CFAP58: variants seen among roughly 807,000 people sequenced by gnomAD.
The protein encoded by CFAP58 is cilia- and flagella-associated protein 58.
A neutral mutation model predicts 119.5 loss-of-function variants in CFAP58; 88 were observed. That is an observed-to-expected ratio of 0.74 (90% CI 0.62 to 0.88). The LOEUF (loss-of-function observed/expected upper bound fraction) is 0.88. CFAP58 is among the 40% of genes least tolerant of loss of function. The probability of loss-of-function intolerance (pLI) is 0.00; values close to 1 mark genes in which losing one functional copy is unlikely to be tolerated. For synonymous variants in CFAP58, 365 were observed against 366.3 expected (o/e 1.00, Z 0.04); for missense variants, 990 against 1,021.2 (o/e 0.97, Z 0.42).
At chr10:104,348,146 C>T in the CFAP58 span, among the ~76,000 whole-genome samples, 10 of 152,202 alleles carry the variant, frequency 6.6e-5, no homozygotes, top group South Asian at 1.9e-3. Context: ...CAGAGAGGGA[C>T]GTAATTCTGG....
In CFAP58 at chr10:104,358,412, C is replaced by A; in HGVS notation, c.81C>A (p.Leu27=). ...EEMERDFQGV[L]HELSGDKSLE... The stretch of plus-strand genomic sequence containing the variant: ...TGGAAAGAGATTTTCAGGGAGTTCT[C>A]CATGAACTTTCTGGAGACAAAAGTT... Residue 27 remains leucine, a synonymous_variant, in exon 2 of 18, where the codon CTC becomes CTA. Coordinates refer to ENST00000369704, the MANE Select transcript of CFAP58 (RefSeq NM_001008723.2). The A allele has an allele frequency of 6.2e-7, 1 of 1,613,946 alleles. No homozygotes were observed.
chr10:104,450,176 G>A lies in CFAP58; in HGVS notation c.2482G>A (p.Ala828Thr), dbSNP rs138183014. The stretch of plus-strand genomic sequence containing the variant: ...CCAGAATTTAAAGAAGAAATACCTC[G>A]CTCAGAAACGTAAAGAACAACTTCA... The part of the protein sequence containing the change: ...ELQNLKKKYL[A>T]QKRKEQLQKN... Residue 828 changes from alanine to threonine, a missense_variant, in exon 17 of 18, where the codon GCT (alanine) becomes ACT (threonine). By Grantham distance (58) the Ala-to-Thr change is moderately conservative. Transcript: ENST00000369704. 1.7e-5 allele frequency: 28 copies of A among 1,612,804 alleles called. No individual in the cohort carries two copies. The highest frequency in any genetic ancestry group is 1.1e-4 in the African/African-American group (8 of 74,832).
rs547584566 is a variant in CFAP58 at position 104,354,593 on chromosome 10, C to A, written c.9+687C>A. Among the ~76,000 whole-genome samples the A allele has an allele frequency of 2.6e-5, 4 of 152,238 alleles. No homozygotes were observed. In the East Asian group the frequency reaches 7.7e-4, roughly 29 times the overall value. ...CAAGAGCCTCGGGTCCCTGTCATTA[C>A]TTGCCATTCACAGTCCCCATCCACT... On this transcript the variant is annotated intron_variant, in intron 1 of 17. Coordinates refer to ENST00000369704, the MANE Select transcript of CFAP58 (RefSeq NM_001008723.2).
chr10:104,370,545 C>T (rs111687886), intron 6 of CFAP58, among the ~76,000 whole-genome samples: 40 of 152,242 alleles, frequency 2.6e-4, no homozygotes, highest in African/African-American at 7.9e-4. Flanking sequence ...GACCTGCCCC[C>T]GTGATTCAAT....
intron 9 of CFAP58, 118 bp from the exon 10 acceptor site, chr10:104,392,115 G>A: frequency 1.2e-6 from 1 of 841,642 alleles, no homozygotes; most frequent in Non-Finnish European, 1.9e-6. Flanking sequence ...GCCACTGTCA[G>A]ATTTTCTGAT....
At chr10:104,434,478 C>G (rs916983367) in intron 15 of CFAP58, among the ~76,000 whole-genome samples, 1 of 152,086 alleles carries the variant, frequency 6.6e-6, no homozygotes, top group Non-Finnish European at 1.5e-5. Flanking sequence ...AGGAATGAGC[C>G]CTTTTGGGAC....
In CFAP58 at chr10:104,371,037, T is replaced by C. The variant is rs767474108; in HGVS notation, c.1073T>C (p.Ile358Thr). Residue 358 changes from isoleucine to threonine, a missense_variant, in exon 7 of 18, where the codon ATT (isoleucine) becomes ACT (threonine). Ile to Thr is a moderately conservative substitution (Grantham distance 89). Coordinates refer to ENST00000369704, the MANE Select transcript of CFAP58 (RefSeq NM_001008723.2). ...CACAAAGAAACCCTAAAAAATCAGA[T>C]TGTGGGATTAGAGAGAGGTAAACCA... Reference protein sequence around the residue: ...EQHKETLKNQIVGLEREVEAS... With the variant: ...EQHKETLKNQTVGLEREVEAS... The C allele has an allele frequency of 5.6e-6, 9 of 1,609,724 alleles. No individual in the cohort carries two copies. The highest frequency in any genetic ancestry group is 1.7e-5 in the Admixed American group (1 of 59,070).
chr10:104,447,868 G>A (rs752252723), intron 16 of CFAP58, 51 bp downstream of exon 16: 7 of 1,539,488 alleles, frequency 4.5e-6, no homozygotes, highest in African/African-American at 2.7e-5. Context: ...CACACTCTGG[G>A]GAGCACACCT....
chr10:104,417,711 A>G (rs1301016786), intron 15 of CFAP58, among the ~76,000 whole-genome samples: 1 of 152,224 alleles, frequency 6.6e-6, no homozygotes, highest in Non-Finnish European at 1.5e-5. Flanking sequence ...AGTACATTCA[A>G]TACTCAATGT....
rs1031157881 is a variant in CFAP58, at chr10:104,358,480, T to C, written c.149T>C (p.Met50Thr). 9.3e-6 allele frequency: 15 copies of C among 1,613,952 alleles called. No individual in the cohort carries two copies. The highest frequency in any genetic ancestry group is 1.3e-5 in the African/African-American group (1 of 74,914). The stretch of plus-strand genomic sequence containing the variant: ...GAATATGAGAGGCTTCATGCTGTCA[T>C]GAAAAAGTCTTATGACAATGAAAAG... ...RIEYERLHAVMKKSYDNEKRL... is the reference protein window; with the variant it reads ...RIEYERLHAVTKKSYDNEKRL... Residue 50 changes from methionine (M) to threonine (T), a missense_variant, in exon 2 of 18, where the codon ATG (methionine) becomes ACG (threonine). Met to Thr is a moderately conservative substitution (Grantham distance 81). Transcript: ENST00000369704.
rs200619709 is a variant in CFAP58, at chr10:104,380,213, C to A, written c.1358C>A (p.Thr453Lys). 3.7e-6 allele frequency: 6 copies of A among 1,613,196 alleles called. No individual in the cohort carries two copies. Among genetic ancestry groups the A allele is most frequent in the Non-Finnish European group, 5.1e-6 (6 of 1,179,650 alleles). The part of the protein sequence containing the change: ...DRYINQASDL[T>K]QKVLMNMEDI... Reference sequence around the variant, plus strand: ...TACATCAACCAAGCCAGTGACCTTACGCAAAAGGTAAGCTGCTCAGTGATG... The same window carrying A: ...TACATCAACCAAGCCAGTGACCTTAAGCAAAAGGTAAGCTGCTCAGTGATG... The change falls in exon 9 of 18, where the codon ACG becomes AAG. Residue 453 changes from threonine (T) to lysine (K), a missense_variant. Thr to Lys is a moderately conservative substitution (Grantham distance 78). Transcript: ENST00000369704.
rs112785429 is a variant in CFAP58, at chr10:104,414,763, G to A, written c.2256+7970G>A. 9.9e-4 allele frequency among the ~76,000 whole-genome samples: 151 copies of A among 152,234 alleles called. 2 individuals are homozygous for A. The East Asian group carries it at 0.026, about 26-fold the overall frequency. On this transcript the variant is annotated intron_variant, in intron 15 of 17. Coordinates refer to ENST00000369704, the MANE Select transcript of CFAP58 (RefSeq NM_001008723.2). ...CGGCTCACTGCAAGCTCCGCCTCCCGGGTTCACGCCATTCTCCTGCCTCAG... is the reference window on the plus strand; with the variant it reads ...CGGCTCACTGCAAGCTCCGCCTCCCAGGTTCACGCCATTCTCCTGCCTCAG...
intron 15 of CFAP58, among the ~76,000 whole-genome samples, chr10:104,440,481 T>A (rs2013020028): frequency 6.6e-6 from 1 of 152,148 alleles, no homozygotes; most frequent in African/African-American, 2.4e-5. Flanking sequence ...AATCCAATGA[T>A]CTAGCTTCAA....
chr10:104,419,270 G>C (rs2012614769), intron 15 of CFAP58, among the ~76,000 whole-genome samples: 6 of 152,056 alleles, frequency 3.9e-5, no homozygotes, highest in Admixed American at 3.9e-4. Context: ...CTACCTACTT[G>C]GTTTGCCCAA....
At chr10:104,370,329 T>G (rs1398183231) in intron 6 of CFAP58, among the ~76,000 whole-genome samples, 4 of 152,180 alleles carry the variant, frequency 2.6e-5, no homozygotes, top group Admixed American at 2.0e-4. Flanking sequence ...GACTGGGCAA[T>G]TTACAAAAGA....
chr10:104,376,397 C>G (rs901329179), intron 7 of CFAP58, among the ~76,000 whole-genome samples: 5 of 148,590 alleles, frequency 3.4e-5, no homozygotes, highest in African/African-American at 1.2e-4. Context: ...CCCAGCTGCT[C>G]GAGAGGTTGA....
chr10:104,347,010 A>G, the CFAP58 span, among the ~76,000 whole-genome samples: 2 of 152,010 alleles, frequency 1.3e-5, no homozygotes, highest in African/African-American at 2.4e-5. Context: ...TAGGACATCA[A>G]ACTGCAACCT....
chr10:104,434,633 A>T (rs1009775162), intron 15 of CFAP58, among the ~76,000 whole-genome samples: 1 of 152,246 alleles, frequency 6.6e-6, no homozygotes, highest in Non-Finnish European at 1.5e-5. Flanking sequence ...CGAGAAACTC[A>T]TGGATTCAGC....
the CFAP58 span, among the ~76,000 whole-genome samples, chr10:104,345,175 C>A: frequency 6.6e-6 from 1 of 151,808 alleles, no homozygotes; most frequent in African/African-American, 2.4e-5. Flanking sequence ...AAAGCTTATT[C>A]CTTTAATATA....
Sources: allele counts gnomAD v4.1 joint callset (sites outside exome capture counted in the v4.1 genomes callset), GRCh38; gene constraint gnomAD v4.1.1; transcripts MANE v1.5; gene names NCBI Gene and HGNC (gene_info 2026-07-23, HGNC 2026-07-21).